The following ANGPT1 variants were observed in gnomAD, a reference collection of about 807,000 sequenced individuals.
ANGPT1 encodes the protein angiopoietin-1.
A neutral mutation model predicts 62.2 loss-of-function variants in ANGPT1; 17 were observed. The observed-to-expected ratio is 0.27, with a 90% CI of 0.19 to 0.41. The LOEUF (loss-of-function observed/expected upper bound fraction) is 0.41. ANGPT1 is among the 10% of genes least tolerant of loss of function. The probability of loss-of-function intolerance (pLI) is 1.00; values close to 1 mark genes in which losing one functional copy is unlikely to be tolerated. For missense variants in ANGPT1, 478 were observed against 594.9 expected, an observed-to-expected ratio of 0.80 and a Z score of 2.04; for synonymous variants, 199 against 198.9, an observed-to-expected ratio of 1.00 and a Z score of 0.00.
intron 4 of ANGPT1, among the ~76,000 whole-genome samples, chr8:107,320,051 T>C (rs1187535639): frequency 1.3e-5 from 2 of 152,196 alleles, no homozygotes; most frequent in African/African-American, 4.8e-5. Context: ...ATTCAGTTTC[T>C]ATGATTATTA....
chr8:107,471,594 T>C (rs1361528138), intron 1 of ANGPT1, among the ~76,000 whole-genome samples: 1 of 152,072 alleles, frequency 6.6e-6, no homozygotes, highest in African/African-American at 2.4e-5. Flanking sequence ...CACTGTCCTG[T>C]CACCCATAAA....
chr8:107,346,954 A>G lies in ANGPT1; in HGVS notation c.441T>C (p.Asp147=). The change falls in exon 2 of 9, where the codon GAT becomes GAC. Residue 147 remains aspartate (D), a synonymous_variant. Coordinates refer to ENST00000517746, the MANE Select transcript of ANGPT1 (RefSeq NM_001146.5). The part of the protein sequence containing the change: ...QTAEQTRKLT[D]VETQVLNQTS... ...CCCTGGGGTGTACCTGGGTCTCAAC[A>G]TCTGTCAGCTTTCTGGTCTGCTCTG... 1 of 1,612,010 alleles carries G rather than the reference A, an allele frequency of 6.2e-7. No homozygotes were observed. Among genetic ancestry groups the G allele is most frequent in the Middle Eastern group, 1.7e-4 (1 of 6,034 alleles).
chr8:107,438,299 T>A (rs770222250), intron 1 of ANGPT1, among the ~76,000 whole-genome samples: 15 of 151,664 alleles, frequency 9.9e-5, no homozygotes, highest in South Asian at 4.2e-4. Context: ...TATCATCATC[T>A]TCTTCTTCTT....
At chr8:107,386,541 G>A (rs1358665767) in intron 1 of ANGPT1, among the ~76,000 whole-genome samples, 1 of 152,078 alleles carries the variant, frequency 6.6e-6, no homozygotes, top group Non-Finnish European at 1.5e-5. Flanking sequence ...TGGTGTATTT[G>A]TTAGAGATAA....
intron 1 of ANGPT1, among the ~76,000 whole-genome samples, chr8:107,492,049 G>GT (rs140960967): frequency 0.053 from 8,019 of 151,884 alleles, 243 homozygotes; most frequent in South Asian, 0.11. Flanking sequence ...GTCTGAAAGG[G>GT]TTTTTTTTGG....
At chr8:107,299,742 T>C (rs1446053991) in intron 5 of ANGPT1, among the ~76,000 whole-genome samples, 1 of 126,800 alleles carries the variant, frequency 7.9e-6, no homozygotes, top group Non-Finnish European at 1.6e-5. Context: ...CTAGATATAC[T>C]ATATATCTAG....
At chr8:107,286,781 G>C (rs145735496) in intron 6 of ANGPT1, among the ~76,000 whole-genome samples, 1 of 152,224 alleles carries the variant, frequency 6.6e-6, no homozygotes, top group Non-Finnish European at 1.5e-5. Flanking sequence ...TTACTTCTCT[G>C]TTCCTAAGAT....
In ANGPT1 at chr8:107,449,935, A is replaced by G. The variant is rs561190829; in HGVS notation, c.297+47327T>C. Among the ~76,000 whole-genome samples, 6 of 152,224 alleles carry G rather than the reference A, an allele frequency of 3.9e-5. No individual in the cohort carries two copies. The East Asian group carries it at 9.7e-4, about 25-fold the overall frequency. ...CTTCTCTCAATTTGTTATAGTGTGT[A>G]TGTACTTACAAAGCTTAGAAGCACC... On this transcript the variant is annotated intron_variant, in intron 1 of 8. Coordinates refer to ENST00000517746, the MANE Select transcript of ANGPT1 (RefSeq NM_001146.5).
At chr8:107,329,952 T>C (rs1815382292) in intron 3 of ANGPT1, among the ~76,000 whole-genome samples, 1 of 151,990 alleles carries the variant, frequency 6.6e-6, no homozygotes, top group African/African-American at 2.4e-5. Flanking sequence ...AGTGAAATTA[T>C]GGGGAGGAAA....
intron 1 of ANGPT1, among the ~76,000 whole-genome samples, chr8:107,417,240 T>C (rs867423411): frequency 2.6e-5 from 4 of 152,184 alleles, no homozygotes; most frequent in Non-Finnish European, 5.9e-5. Context: ...TATCATATCA[T>C]AATATCATAG....
intron 1 of ANGPT1, among the ~76,000 whole-genome samples, chr8:107,469,629 CATTA>C (rs1369948101): frequency 6.6e-6 from 1 of 151,966 alleles, no homozygotes; most frequent in Non-Finnish European, 1.5e-5. Flanking sequence ...AGAAAAATAT[CATTA>C]ATTATGTCAT....
intron 1 of ANGPT1, among the ~76,000 whole-genome samples, chr8:107,397,014 G>T (rs1048840234): frequency 6.6e-6 from 1 of 152,080 alleles, no homozygotes; most frequent in Non-Finnish European, 1.5e-5. Context: ...GGGATGCTGG[G>T]CAGGGAACTA....
intron 4 of ANGPT1, among the ~76,000 whole-genome samples, chr8:107,319,419 A>G (rs552244273): frequency 9.3e-4 from 141 of 152,096 alleles, no homozygotes; most frequent in Non-Finnish European, 1.7e-3. Context: ...CGTGTTTTTT[A>G]AGATCTTGTA....
At chr8:107,427,263 G>C (rs1188551123) in intron 1 of ANGPT1, among the ~76,000 whole-genome samples, 1 of 152,038 alleles carries the variant, frequency 6.6e-6, no homozygotes. Context: ...GCTGCCTAGG[G>C]GCCAGGGCTG....
At chr8:107,279,706 C>T (rs191531127) in intron 7 of ANGPT1, among the ~76,000 whole-genome samples, 2,138 of 151,766 alleles carry the variant, frequency 0.014, 32 homozygotes, top group Non-Finnish European at 0.021. Flanking sequence ...GGGTTCTACA[C>T]TTTAAAAGCT....
At chr8:107,471,906 A>T (rs1475678418) in intron 1 of ANGPT1, among the ~76,000 whole-genome samples, 1 of 151,986 alleles carries the variant, frequency 6.6e-6, no homozygotes, top group Non-Finnish European at 1.5e-5. Context: ...TTATTTCCTC[A>T]ATTTATTAAC....
intron 4 of ANGPT1, among the ~76,000 whole-genome samples, chr8:107,315,757 C>A (rs1403481872): frequency 6.6e-6 from 1 of 151,974 alleles, no homozygotes; most frequent in African/African-American, 2.4e-5. Flanking sequence ...TCAAATTGTA[C>A]ACAAATGTGT....
chr8:107,304,217 T>C (rs1348860504), intron 4 of ANGPT1, among the ~76,000 whole-genome samples: 1 of 151,760 alleles, frequency 6.6e-6, no homozygotes, highest in Admixed American at 6.6e-5. Context: ...CCTTATTTTA[T>C]TTACTGAGCT....
chr8:107,400,176 T>G (rs528260137), intron 1 of ANGPT1, among the ~76,000 whole-genome samples: 1 of 152,258 alleles, frequency 6.6e-6, no homozygotes, highest in East Asian at 1.9e-4. Context: ...CCTTTCAAAT[T>G]GTCTACACAA....
Sources: gnomAD v4.1 joint callset for allele counts (sites outside exome capture counted in the v4.1 genomes callset) on GRCh38, gnomAD v4.1.1 for gene constraint, MANE v1.5 for transcripts, NCBI Gene and HGNC (gene_info 2026-07-23, HGNC 2026-07-21) for gene names.